Variants in FAM168A observed in about 807,000 individuals in gnomAD.
FAM168A encodes family with sequence similarity 168 member A, also known as protein FAM168A.
Under a neutral mutation model 28.5 loss-of-function variants are expected in FAM168A, and 3 were observed. The observed-to-expected ratio is 0.11, with a 90% confidence interval of 0.05 to 0.27. The LOEUF (loss-of-function observed/expected upper bound fraction) is 0.27, where lower values mean the gene tolerates loss of function less well. Among genes scored for constraint, FAM168A ranks in the 10% least tolerant of loss-of-function variants. The probability of loss-of-function intolerance (pLI) is 1.00; values close to 1 mark genes in which losing one functional copy is unlikely to be tolerated. For synonymous variants in FAM168A, 122 were observed against 124.2 expected, an observed-to-expected ratio of 0.98 and a Z score of 0.12; for missense variants, 222 against 311.5, an observed-to-expected ratio of 0.71 and a Z score of 2.16.
rs145600254 is a variant in FAM168A at position 73,483,666 on chromosome 11, G to A, written c.-18-15174C>T. On this transcript the variant is annotated intron_variant, in intron 1 of 7. Coordinates refer to ENST00000356467, the MANE Select transcript of FAM168A (RefSeq NM_015159.3). ...GAATATAGGAAAATATTTTGCAGTCGGAACTGACAGAATTTGAAAATTCTC... is the reference window on the plus strand; with the variant it reads ...GAATATAGGAAAATATTTTGCAGTCAGAACTGACAGAATTTGAAAATTCTC... 8.6e-4 allele frequency among the ~76,000 whole-genome samples: 131 copies of A among 152,222 alleles called. 1 individual carries two copies. Among genetic ancestry groups the A allele is most frequent in the African/African-American group, 2.8e-3 (118 of 41,532 alleles).
chr11:73,571,954 GGAGGT>G (rs1170796186), intron 1 of FAM168A, among the ~76,000 whole-genome samples: 1 of 151,630 alleles, frequency 6.6e-6, no homozygotes, highest in Non-Finnish European at 1.5e-5. Context: ...ACCCCGTCTG[GGAGGT>G]GAGGAGCGTC....
chr11:73,524,396 G>A (rs1228162671), intron 1 of FAM168A, among the ~76,000 whole-genome samples: 1 of 151,496 alleles, frequency 6.6e-6, no homozygotes, highest in East Asian at 1.9e-4. Context: ...ATCTAACTAT[G>A]AGGAGTTTCT....
chr11:73,528,063 G>A (rs1434362290), intron 1 of FAM168A, among the ~76,000 whole-genome samples: 2 of 152,108 alleles, frequency 1.3e-5, no homozygotes, highest in African/African-American at 4.8e-5. Context: ...GCCATGCAGT[G>A]GATAATCACA....
intron 1 of FAM168A, among the ~76,000 whole-genome samples, chr11:73,566,042 C>A (rs756948765): frequency 2.0e-5 from 3 of 152,194 alleles, no homozygotes; most frequent in Non-Finnish European, 4.4e-5. Flanking sequence ...GTAAACCAGA[C>A]CAAATGACTG....
chr11:73,571,247 CCCACAGTCT>C, intron 1 of FAM168A, among the ~76,000 whole-genome samples: 1 of 127,562 alleles, frequency 7.8e-6, no homozygotes, highest in African/African-American at 3.1e-5. Flanking sequence ...CCCCCCCCTC[CCCACAGTCT>C]CCCTCTCCCT....
At chr11:73,558,447 C>A (rs1342168225) in intron 1 of FAM168A, among the ~76,000 whole-genome samples, 1 of 122,202 alleles carries the variant, frequency 8.2e-6, no homozygotes, top group Non-Finnish European at 1.6e-5. Context: ...CCAACCTGGG[C>A]AACAGAGCAA....
chr11:73,493,107 A>C lies in FAM168A; in HGVS notation c.-18-24615T>G, dbSNP rs566583220. On this transcript the variant is annotated intron_variant, in intron 1 of 7. Coordinates refer to ENST00000356467, the MANE Select transcript of FAM168A (RefSeq NM_015159.3). The stretch of plus-strand genomic sequence containing the variant: ...GGGTGACAGGATCATTCATACACCA[A>C]ACTTCAGCAACATGCAATGTATCCA... 7.2e-5 allele frequency among the ~76,000 whole-genome samples: 11 copies of C among 152,226 alleles called. No homozygotes were observed. The East Asian group carries it at 2.1e-3, about 29-fold the overall frequency.
chr11:73,556,380 C>T (rs909450599), intron 1 of FAM168A, among the ~76,000 whole-genome samples: 13 of 150,552 alleles, frequency 8.6e-5, no homozygotes, highest in Admixed American at 2.0e-4. Flanking sequence ...AGAACCCATT[C>T]CCTCCATCCC....
intron 1 of FAM168A, among the ~76,000 whole-genome samples, chr11:73,479,612 G>C (rs565940969): frequency 6.6e-6 from 1 of 152,154 alleles, no homozygotes; most frequent in Admixed American, 6.5e-5. Flanking sequence ...ATCTCAGAAA[G>C]CCAGACTGTG....
intron 1 of FAM168A, among the ~76,000 whole-genome samples, chr11:73,550,229 C>A (rs1017204261): frequency 6.6e-6 from 1 of 151,996 alleles, no homozygotes; most frequent in African/African-American, 2.4e-5. Context: ...GGTAAGAGCT[C>A]TAAGATAGAG....
intron 1 of FAM168A, among the ~76,000 whole-genome samples, chr11:73,594,397 C>A (rs1417302204): frequency 6.6e-6 from 1 of 151,784 alleles, no homozygotes; most frequent in Non-Finnish European, 1.5e-5. Context: ...CTATGCCTGG[C>A]CAGTTTTTTT....
At chr11:73,559,552 T>C (rs1019947730) in intron 1 of FAM168A, among the ~76,000 whole-genome samples, 4 of 152,166 alleles carry the variant, frequency 2.6e-5, no homozygotes, top group Admixed American at 1.3e-4. Flanking sequence ...ACACATTATA[T>C]GATTTCTTTT....
chr11:73,454,361 G>A (rs1013650741), intron 2 of FAM168A, among the ~76,000 whole-genome samples: 1 of 152,176 alleles, frequency 6.6e-6, no homozygotes, highest in African/African-American at 2.4e-5. Context: ...GAAAGTGAAG[G>A]CAAGGGAAAT....
At chr11:73,583,224 A>G (rs564042238) in intron 1 of FAM168A, among the ~76,000 whole-genome samples, 2 of 152,210 alleles carry the variant, frequency 1.3e-5, no homozygotes, top group African/African-American at 4.8e-5. Context: ...AATTACTTGA[A>G]CCCAGGAGGC....
At chr11:73,591,067 C>G (rs1944375029) in intron 1 of FAM168A, among the ~76,000 whole-genome samples, 1 of 152,040 alleles carries the variant, frequency 6.6e-6, no homozygotes. Flanking sequence ...TCACTTGAAC[C>G]TGGGAGGAAG....
chr11:73,431,024 C>T (rs551391867), intron 2 of FAM168A, among the ~76,000 whole-genome samples: 329 of 151,928 alleles, frequency 2.2e-3, no homozygotes, highest in Non-Finnish European at 3.3e-3. Flanking sequence ...AAGAAATATT[C>T]TATATGCTCA....
At chr11:73,507,088 T>C (rs539475356) in intron 1 of FAM168A, among the ~76,000 whole-genome samples, 3 of 152,326 alleles carry the variant, frequency 2.0e-5, no homozygotes, top group African/African-American at 4.8e-5. Flanking sequence ...TATTAAAACA[T>C]AGCTCACACT....
At chr11:73,534,757 T>C (rs1393316631) in intron 1 of FAM168A, among the ~76,000 whole-genome samples, 1 of 152,148 alleles carries the variant, frequency 6.6e-6, no homozygotes, top group African/African-American at 2.4e-5. Context: ...ATTGATTACA[T>C]GAAAATCTGT....
At chr11:73,523,866 T>TG (rs1447140120) in intron 1 of FAM168A, among the ~76,000 whole-genome samples, 1 of 150,152 alleles carries the variant, frequency 6.7e-6, no homozygotes, top group Admixed American at 6.6e-5. Flanking sequence ...TTTCCCCTAT[T>TG]TTTTTTTTTT....
Sources: gnomAD v4.1 joint callset for allele counts (sites outside exome capture counted in the v4.1 genomes callset) on GRCh38, gnomAD v4.1.1 for gene constraint, MANE v1.5 for transcripts, NCBI Gene and HGNC (gene_info 2026-07-23, HGNC 2026-07-21) for gene names.